The following LYPLAL1 variants were observed in gnomAD, a reference collection of about 807,000 sequenced individuals.
The protein encoded by LYPLAL1 is lysophospholipase like 1, also known as lysophospholipase-like protein 1.
Under a neutral mutation model 19.7 loss-of-function variants are expected in LYPLAL1, and 23 were observed. The ratio of observed to expected loss-of-function variants is 1.17; its 90% confidence interval spans 0.84 to 1.65. LYPLAL1 has a LOEUF of 1.65. LYPLAL1 is among the 40% of genes most tolerant of loss of function. LYPLAL1 has a pLI of 0.00. For synonymous variants in LYPLAL1, 119 were observed against 96.3 expected (o/e 1.24, Z -1.38); for missense variants, 355 against 279.4 (o/e 1.27, Z -1.93).
the LYPLAL1 span, among the ~76,000 whole-genome samples, chr1:219,318,175 T>C: frequency 2.6e-4 from 39 of 152,268 alleles, no homozygotes; most frequent in African/African-American, 8.4e-4. Context: ...AAAAAGGAAG[T>C]AGATTCTCCC....
the LYPLAL1 span, among the ~76,000 whole-genome samples, chr1:219,408,510 AT>A: frequency 6.6e-6 from 1 of 152,142 alleles, no homozygotes; most frequent in African/African-American, 2.4e-5. Context: ...AGCCAGAGTC[AT>A]GTTTTCACAG....
At chr1:219,307,959 C>T in the LYPLAL1 span, among the ~76,000 whole-genome samples, 1 of 152,126 alleles carries the variant, frequency 6.6e-6, no homozygotes, top group Non-Finnish European at 1.5e-5. Context: ...TTATCAGCAG[C>T]ATGAAATCAG....
At chr1:219,354,459 G>T in the LYPLAL1 span, among the ~76,000 whole-genome samples, 2 of 152,152 alleles carry the variant, frequency 1.3e-5, no homozygotes, top group African/African-American at 2.4e-5. Flanking sequence ...GCCTCCCAAA[G>T]TGCTGGGATT....
the LYPLAL1 span, among the ~76,000 whole-genome samples, chr1:219,417,079 T>G: frequency 6.6e-6 from 1 of 152,216 alleles, no homozygotes; most frequent in Non-Finnish European, 1.5e-5. Context: ...GGACAAAATA[T>G]TACTCTTTTT....
Position 219,193,058 on chromosome 1 carries a change from TGGGGGGGGGCGG to T in LYPLAL1, c.192-23_192-12del. ...TATTCCCTTTTCCTTTCTTTTTTTTTGGGGGGGGGCGGTTGTTAAACAGATCATATACTCCTA... is the reference window on the plus strand; with the variant it reads ...TATTCCCTTTTCCTTTCTTTTTTTTTTTGTTAAACAGATCATATACTCCTA... On this transcript the variant is annotated splice_polypyrimidine_tract_variant and intron_variant, in intron 2 of 4. Transcript: ENST00000366928. The T allele has an allele frequency of 8.4e-7, 1 of 1,192,566 alleles. No individual in the cohort carries two copies. Among genetic ancestry groups the T allele is most frequent in the Non-Finnish European group, 1.1e-6 (1 of 893,564 alleles). The allele number at this position is 1,192,566 out of a possible 1,614,324, so 73.9% of individuals were successfully genotyped here.
the LYPLAL1 span, chr1:219,222,706 C>T: frequency 6.6e-6 from 1 of 152,204 alleles, no homozygotes; most frequent in Non-Finnish European, 1.5e-5. Context: ...GCAAGTGTGT[C>T]GCTCTTTAAC....
the LYPLAL1 span, among the ~76,000 whole-genome samples, chr1:219,240,417 G>A: frequency 6.6e-6 from 1 of 152,106 alleles, no homozygotes; most frequent in Non-Finnish European, 1.5e-5. Context: ...AAAATGCATT[G>A]AAATAAAATT....
At chr1:219,240,001 A>C in the LYPLAL1 span, among the ~76,000 whole-genome samples, 1 of 152,242 alleles carries the variant, frequency 6.6e-6, no homozygotes, top group Non-Finnish European at 1.5e-5. Flanking sequence ...TCAAACAATG[A>C]ATCCAATGGA....
chr1:219,245,657 G>A, the LYPLAL1 span, among the ~76,000 whole-genome samples: 1 of 152,172 alleles, frequency 6.6e-6, no homozygotes, highest in African/African-American at 2.4e-5. Flanking sequence ...TGGAAGATCT[G>A]TATTGTGTAC....
the LYPLAL1 span, among the ~76,000 whole-genome samples, chr1:219,340,258 T>C: frequency 1.3e-5 from 2 of 152,068 alleles, no homozygotes; most frequent in African/African-American, 2.4e-5. Context: ...GGGGCAGCTT[T>C]AGTAGCTCTG....
the LYPLAL1 span, among the ~76,000 whole-genome samples, chr1:219,308,751 C>A: frequency 6.6e-6 from 1 of 152,188 alleles, no homozygotes; most frequent in Non-Finnish European, 1.5e-5. Flanking sequence ...TATGGAAACA[C>A]CTGGATGCCC....
the LYPLAL1 span, among the ~76,000 whole-genome samples, chr1:219,425,832 T>A: frequency 6.6e-6 from 1 of 152,320 alleles, no homozygotes; most frequent in African/African-American, 2.4e-5. Flanking sequence ...TTGAGCTATA[T>A]GGTGGATTGC....
the LYPLAL1 span, among the ~76,000 whole-genome samples, chr1:219,310,383 A>G: frequency 0.012 from 1,815 of 152,280 alleles, 41 homozygotes; most frequent in African/African-American, 0.041. Flanking sequence ...GGGAACCTTA[A>G]CTCACAAGAG....
At chr1:219,352,068 C>T in the LYPLAL1 span, among the ~76,000 whole-genome samples, 7 of 152,198 alleles carry the variant, frequency 4.6e-5, no homozygotes, top group Admixed American at 2.0e-4. Context: ...CTAAGAGCTA[C>T]ATCTGCTCCA....
chr1:219,361,980 CCAGT>C, the LYPLAL1 span, among the ~76,000 whole-genome samples: 4 of 152,062 alleles, frequency 2.6e-5, no homozygotes, highest in South Asian at 8.3e-4. Flanking sequence ...CCTGTTTGGG[CCAGT>C]TTTCTCAAAC....
the LYPLAL1 span, among the ~76,000 whole-genome samples, chr1:219,439,148 C>A: frequency 3.3e-5 from 5 of 152,188 alleles, no homozygotes; most frequent in African/African-American, 9.7e-5. Context: ...CATCACCTGA[C>A]AAACTCATAC....
the LYPLAL1 span, among the ~76,000 whole-genome samples, chr1:219,408,254 C>T: frequency 6.6e-6 from 1 of 152,138 alleles, no homozygotes; most frequent in Non-Finnish European, 1.5e-5. Context: ...ATGTTGAGAG[C>T]AATAAAATAT....
chr1:219,421,704 C>T, the LYPLAL1 span, among the ~76,000 whole-genome samples: 3 of 151,648 alleles, frequency 2.0e-5, no homozygotes, highest in Admixed American at 1.3e-4. Context: ...TGTGACAAAA[C>T]AGAAGATGAG....
the LYPLAL1 span, among the ~76,000 whole-genome samples, chr1:219,281,782 A>T: frequency 6.6e-6 from 1 of 152,188 alleles, no homozygotes; most frequent in Non-Finnish European, 1.5e-5. Flanking sequence ...CATGCTCCAT[A>T]ACTGACAGAA....
Sources: gnomAD v4.1 joint callset for allele counts (sites outside exome capture counted in the v4.1 genomes callset) on GRCh38, gnomAD v4.1.1 for gene constraint, MANE v1.5 for transcripts, NCBI Gene and HGNC (gene_info 2026-07-23, HGNC 2026-07-21) for gene names.